The following MYH11 variants were observed in gnomAD, a reference collection of about 807,000 sequenced individuals.
The protein encoded by MYH11 is myosin heavy chain 11.
A neutral mutation model predicts 246.6 loss-of-function variants in MYH11; 80 were observed. That is an observed-to-expected ratio of 0.32 (90% CI 0.27 to 0.39). The LOEUF (loss-of-function observed/expected upper bound fraction) is 0.39. Among genes scored for constraint, MYH11 ranks in the 10% least tolerant of loss-of-function variants. MYH11 has a pLI of 1.00. For synonymous variants in MYH11, 1,071 were observed against 1,015.5 expected (o/e 1.05, Z -1.04); for missense variants, 2,158 against 2,546.8 (o/e 0.85, Z 3.29).
chr16:15,823,480 A>G (rs2043472205), intron 2 of MYH11, 69 bp from the exon 3 acceptor site: 2 of 1,587,634 alleles, frequency 1.3e-6, no homozygotes, highest in South Asian at 1.1e-5. Flanking sequence ...GAAGCACTCA[A>G]TATTCTCATG....
At chr16:15,718,239 G>GT in intron 37 of MYH11, 76 bp downstream of exon 37, 1 of 1,599,792 alleles carries the variant, frequency 6.3e-7, no homozygotes, top group East Asian at 2.2e-5. Flanking sequence ...GCCGCCACGC[G>GT]TGTGTTGACT....
chr16:15,718,072 G>C, intron 37 of MYH11: 1 of 608,118 alleles, frequency 1.6e-6, no homozygotes, highest in Non-Finnish European at 2.9e-6. Context: ...CGTGAGGTAC[G>C]GGGAGCCAGC....
At chr16:15,759,498 C>G in intron 12 of MYH11, 78 bp downstream of exon 12, 1 of 1,602,148 alleles carries the variant, frequency 6.2e-7, no homozygotes, top group Non-Finnish European at 8.6e-7. Flanking sequence ...TGCCTTTCTC[C>G]AAAATCATGA....
In MYH11 at chr16:15,778,672, C is replaced by T. The variant is rs1218747698; in HGVS notation, c.790+108G>A. ...AGGGGAGATTTGTTCTGGAAGAAAC[C>T]TAAGAGGCTGGAAAGATAGAGGTGG... On this transcript the variant is annotated intron_variant, in intron 7 of 40. Coordinates refer to ENST00000300036, the MANE Select transcript of MYH11 (RefSeq NM_002474.3). The T allele has an allele frequency of 1.6e-5, 18 of 1,121,958 alleles. 1 individual carries two copies. Among genetic ancestry groups the T allele is most frequent in the African/African-American group, 4.6e-5 (3 of 65,184 alleles). The allele number at this position is 1,121,958 out of a possible 1,614,324, so 69.5% of individuals were successfully genotyped here. A position where few individuals can be genotyped will look rare whatever the true frequency, so the allele number is the denominator to read the frequency against.
chr16:15,799,192 T>C (rs944222380), intron 3 of MYH11, among the ~76,000 whole-genome samples: 10 of 152,332 alleles, frequency 6.6e-5, no homozygotes, highest in Admixed American at 2.6e-4. Context: ...CTGTGGTCCT[T>C]GAGGTTTCCC....
intron 3 of MYH11, among the ~76,000 whole-genome samples, chr16:15,813,612 G>A (rs751598064): frequency 3.0e-4 from 45 of 152,098 alleles, no homozygotes; most frequent in Admixed American, 6.6e-4. Flanking sequence ...GAATTCCCAT[G>A]AGAAGATGGT....
At chr16:15,766,769 T>TA (rs1207935161) in intron 9 of MYH11, among the ~76,000 whole-genome samples, 3 of 152,166 alleles carry the variant, frequency 2.0e-5, no homozygotes, top group Admixed American at 2.0e-4. Flanking sequence ...CTTTCTGGTA[T>TA]AGTTAAATGT....
intron 2 of MYH11, among the ~76,000 whole-genome samples, chr16:15,828,785 T>C (rs1176650197): frequency 9.5e-6 from 1 of 104,906 alleles, no homozygotes; most frequent in Admixed American, 1.2e-4. Context: ...AGAGTGAGAC[T>C]CTAAAAAAAA....
At chr16:15,771,475 AG>A (rs1449860556) in intron 9 of MYH11, 93 bp downstream of exon 9, 9 of 1,214,216 alleles carry the variant, frequency 7.4e-6, no homozygotes, top group African/African-American at 1.5e-5. Context: ...GGGAATTCAG[AG>A]AGCAGAAATC....
intron 14 of MYH11, among the ~76,000 whole-genome samples, chr16:15,753,981 G>T (rs1161873534): frequency 6.6e-6 from 1 of 151,732 alleles, no homozygotes; most frequent in Non-Finnish European, 1.5e-5. Flanking sequence ...CAAGGTGGGT[G>T]GATCATTTGA....
intron 26 of MYH11, among the ~76,000 whole-genome samples, chr16:15,733,863 A>G (rs1476019737): frequency 6.6e-6 from 1 of 152,178 alleles, no homozygotes; most frequent in Non-Finnish European, 1.5e-5. Flanking sequence ...GCTCTTCTGT[A>G]TCAAAGGCCA....
chr16:15,856,617 A>ATT (rs3971712), intron 1 of MYH11, among the ~76,000 whole-genome samples: 2 of 147,668 alleles, frequency 1.4e-5, no homozygotes, highest in East Asian at 2.0e-4. Flanking sequence ...CTCGGGACTA[A>ATT]TTTTTTTTTT....
rs190485619 is a variant in MYH11 at position 15,812,701 on chromosome 16, C to T, written c.502+10554G>A. 4.0e-5 allele frequency among the ~76,000 whole-genome samples: 6 copies of T among 151,608 alleles called. No individual in the cohort carries two copies. The East Asian group carries it at 7.8e-4, about 20-fold the overall frequency. On this transcript the variant is annotated intron_variant, in intron 3 of 40. Coordinates refer to ENST00000300036, the MANE Select transcript of MYH11 (RefSeq NM_002474.3). ...CAGCCTGGGCAACATGGTGAAATCC[C>T]GTCTCCACAAAAAATACAAAAATTA... is the stretch of plus-strand genomic sequence containing the variant.
intron 3 of MYH11, among the ~76,000 whole-genome samples, chr16:15,813,017 AT>A (rs1255915047): frequency 6.6e-6 from 1 of 152,178 alleles, no homozygotes; most frequent in Non-Finnish European, 1.5e-5. Context: ...AAGTACAAAA[AT>A]TAGCTGGGCA....
chr16:15,789,247 C>T (rs1055983864), intron 4 of MYH11, among the ~76,000 whole-genome samples: 5 of 152,120 alleles, frequency 3.3e-5, no homozygotes, highest in African/African-American at 9.7e-5. Context: ...ATGACACAGG[C>T]CCAACCCTCT....
At chr16:15,737,324 G>A in intron 25 of MYH11, 125 bp downstream of exon 25, 1 of 1,288,626 alleles carries the variant, frequency 7.8e-7, no homozygotes, top group Non-Finnish European at 1.1e-6. Context: ...CCTGGCCTGG[G>A]AAACGAAGTT....
chr16:15,823,512 C>T, intron 2 of MYH11, 101 bp from the exon 3 acceptor site: 2 of 1,465,722 alleles, frequency 1.4e-6, no homozygotes, highest in Non-Finnish European at 9.6e-7. Flanking sequence ...GAAACTGGAG[C>T]TTGGAGTCTT....
At chr16:15,780,985 C>T (rs915634961) in intron 6 of MYH11, among the ~76,000 whole-genome samples, 12 of 152,150 alleles carry the variant, frequency 7.9e-5, no homozygotes, top group Admixed American at 3.9e-4. Flanking sequence ...TTGTAGCTGT[C>T]GCCGTGGATA....
chr16:15,709,858 AG>A (rs1332402519), intron 40 of MYH11, among the ~76,000 whole-genome samples: 1 of 152,146 alleles, frequency 6.6e-6, no homozygotes, highest in African/African-American at 2.4e-5. Context: ...GGAGAGGTGG[AG>A]GCCTTGTACA....
Sources: gnomAD v4.1 joint callset for allele counts (sites outside exome capture counted in the v4.1 genomes callset) on GRCh38, gnomAD v4.1.1 for gene constraint, MANE v1.5 for transcripts, NCBI Gene and HGNC (gene_info 2026-07-23, HGNC 2026-07-21) for gene names.